The following GLIS3 variants were observed in gnomAD, a reference collection of about 807,000 sequenced individuals.
GLIS3 encodes GLIS family zinc finger 3.
Under a neutral mutation model 78.6 loss-of-function variants are expected in GLIS3, and 53 were observed. That is an observed-to-expected ratio of 0.67 (90% CI 0.54 to 0.85). The LOEUF (loss-of-function observed/expected upper bound fraction) is 0.85. Ranked by LOEUF, GLIS3 falls within the 40% of genes least tolerant of loss-of-function variation. The probability of loss-of-function intolerance (pLI) is 0.00; values close to 1 mark genes in which losing one functional copy is unlikely to be tolerated. For missense variants in GLIS3, 1,703 were observed against 1,231.1 expected (o/e 1.38, Z -5.74); for synonymous variants, 684 against 509.9 (o/e 1.34, Z -4.60).
At chr9:3,956,140 G>A (rs1045275376) in intron 4 of GLIS3, among the ~76,000 whole-genome samples, 3 of 151,554 alleles carry the variant, frequency 2.0e-5, no homozygotes, top group Admixed American at 6.6e-5. Context: ...ATTACCTAAT[G>A]GTCATTTATA....
chr9:3,963,529 T>C (rs1817719285), intron 4 of GLIS3, among the ~76,000 whole-genome samples: 1 of 152,136 alleles, frequency 6.6e-6, no homozygotes, highest in South Asian at 2.1e-4. Flanking sequence ...CTCCCAACTG[T>C]TAGTGACTCA....
At chr9:4,128,088 C>G (rs1832711637) in intron 2 of GLIS3, among the ~76,000 whole-genome samples, 1 of 152,232 alleles carries the variant, frequency 6.6e-6, no homozygotes, top group Non-Finnish European at 1.5e-5. Flanking sequence ...AGAGCCAATA[C>G]AAACTAATGT....
Position 3,825,996 on chromosome 9 carries a change from C to T in GLIS3, c.*2276G>A, listed in dbSNP as rs1817708077. ...AAAGGGGCAGGGTTACTGTGAGAGG[C>T]CACAGGAAGACTGGAGCCTGGTTCA... On this transcript the variant is annotated 3_prime_UTR_variant, in exon 11 of 11. Coordinates refer to ENST00000381971, the MANE Select transcript of GLIS3 (RefSeq NM_001042413.2). 6.6e-6 allele frequency: 1 copy of T among 152,178 alleles called. No homozygotes were observed. The highest frequency in any genetic ancestry group is 1.5e-5 in the Non-Finnish European group (1 of 68,042). The allele number at this position is 152,178 out of a possible 1,614,324, so 9.4% of individuals were successfully genotyped here.
the GLIS3 span, among the ~76,000 whole-genome samples, chr9:4,389,329 C>T: frequency 1.3e-5 from 2 of 152,188 alleles, no homozygotes; most frequent in Non-Finnish European, 2.9e-5. Flanking sequence ...ATATCTCTTC[C>T]CCTTCAAGGA....
chr9:3,863,258 T>C (rs912692425), intron 8 of GLIS3, among the ~76,000 whole-genome samples: 1 of 152,220 alleles, frequency 6.6e-6, no homozygotes, highest in African/African-American at 2.4e-5. Context: ...TTCCCTTCTG[T>C]CTCACAAAAG....
At chr9:4,359,098 G>A in the GLIS3 span, among the ~76,000 whole-genome samples, 1 of 152,114 alleles carries the variant, frequency 6.6e-6, no homozygotes, top group African/African-American at 2.4e-5. Context: ...TGGTCATCCA[G>A]GTTTACTACT....
At chr9:4,423,592 G>A in the GLIS3 span, among the ~76,000 whole-genome samples, 3 of 152,110 alleles carry the variant, frequency 2.0e-5, no homozygotes, top group Non-Finnish European at 4.4e-5. Context: ...AAACAAGCTC[G>A]TATAAGGGAT....
intron 2 of GLIS3, among the ~76,000 whole-genome samples, chr9:4,238,158 T>G (rs183557412): frequency 5.3e-5 from 8 of 152,294 alleles, no homozygotes; most frequent in African/African-American, 1.7e-4. Context: ...CTACTTTACA[T>G]AAAGTTTATT....
At chr9:4,149,288 C>G (rs1271834184) in intron 2 of GLIS3, among the ~76,000 whole-genome samples, 1 of 152,216 alleles carries the variant, frequency 6.6e-6, no homozygotes, top group Non-Finnish European at 1.5e-5. Context: ...TTATTACCAT[C>G]CCATTTCACA....
At chr9:4,232,739 G>A (rs1237304128) in intron 2 of GLIS3, among the ~76,000 whole-genome samples, 3 of 152,076 alleles carry the variant, frequency 2.0e-5, no homozygotes, top group Non-Finnish European at 2.9e-5. Context: ...ACACAGAAAC[G>A]TTATCTAATA....
intron 2 of GLIS3, among the ~76,000 whole-genome samples, chr9:4,328,511 C>G (rs893138894): frequency 2.6e-5 from 4 of 152,236 alleles, no homozygotes; most frequent in Admixed American, 2.6e-4. Flanking sequence ...AAACCATAAT[C>G]CCCTGACAGA....
At chr9:4,176,387 T>A (rs545275691) in intron 2 of GLIS3, among the ~76,000 whole-genome samples, 1 of 152,226 alleles carries the variant, frequency 6.6e-6, no homozygotes, top group Non-Finnish European at 1.5e-5. Flanking sequence ...ACATTCAGCT[T>A]ATATTTTATA....
the GLIS3 span, among the ~76,000 whole-genome samples, chr9:4,448,751 T>C: frequency 2.0e-5 from 3 of 152,206 alleles, no homozygotes; most frequent in Admixed American, 6.5e-5. Context: ...CCATGCTGAA[T>C]TGAAGTTTCC....
intron 2 of GLIS3, among the ~76,000 whole-genome samples, chr9:4,133,883 C>G (rs1446072967): frequency 6.8e-6 from 1 of 148,086 alleles, no homozygotes; most frequent in Admixed American, 6.8e-5. Context: ...CACCGTACAT[C>G]TGTCCTCGCC....
chr9:4,165,436 C>T (rs909639511), intron 2 of GLIS3, among the ~76,000 whole-genome samples: 8 of 152,170 alleles, frequency 5.3e-5, no homozygotes, highest in Admixed American at 3.9e-4. Context: ...AGCGAAACTC[C>T]GTCTCAAAGA....
At chr9:4,213,927 CAA>C (rs56146504) in intron 2 of GLIS3, among the ~76,000 whole-genome samples, 64,951 of 138,110 alleles carry the variant, frequency 0.47, 14,992 homozygotes, top group Non-Finnish European at 0.52. Context: ...AACACAGAAG[CAA>C]AAAAAAAAAA....
At chr9:4,229,766 A>G (rs1423105859) in intron 2 of GLIS3, among the ~76,000 whole-genome samples, 3 of 152,248 alleles carry the variant, frequency 2.0e-5, no homozygotes, top group Non-Finnish European at 4.4e-5. Context: ...TAACACATAT[A>G]AAAGCTAAGT....
chr9:4,175,924 T>A (rs1258980140), intron 2 of GLIS3, among the ~76,000 whole-genome samples: 1 of 152,222 alleles, frequency 6.6e-6, no homozygotes, highest in Non-Finnish European at 1.5e-5. Flanking sequence ...GTCTCCCAGA[T>A]AGGAGATGAC....
intron 4 of GLIS3, among the ~76,000 whole-genome samples, chr9:3,991,868 T>C (rs1820317882): frequency 6.6e-6 from 1 of 152,000 alleles, no homozygotes; most frequent in Non-Finnish European, 1.5e-5. Flanking sequence ...TTTTTTGTAT[T>C]TTTAGTAGAG....
Sources: allele counts gnomAD v4.1 joint callset (sites outside exome capture counted in the v4.1 genomes callset), GRCh38; gene constraint gnomAD v4.1.1; transcripts MANE v1.5; gene names NCBI Gene and HGNC (gene_info 2026-07-23, HGNC 2026-07-21).